The following JARID2 variants were observed in gnomAD, a reference collection of about 807,000 sequenced individuals.
The protein encoded by JARID2 is protein Jumonji.
Under a neutral mutation model 125.6 loss-of-function variants are expected in JARID2, and 21 were observed. The observed-to-expected ratio is 0.17, with a 90% CI of 0.12 to 0.24. The LOEUF (loss-of-function observed/expected upper bound fraction) is 0.24, where lower values mean the gene tolerates loss of function less well. Ranked by LOEUF, JARID2 falls within the 10% of genes least tolerant of loss-of-function variation. The pLI is 1.00. For synonymous variants in JARID2, 736 were observed against 661.6 expected (o/e 1.11, Z -1.73); for missense variants, 1,303 against 1,639.6 (o/e 0.79, Z 3.55).
At chr6:15,437,400 C>A (rs1474634515) in intron 3 of JARID2, among the ~76,000 whole-genome samples, 1 of 152,156 alleles carries the variant, frequency 6.6e-6, no homozygotes, top group Non-Finnish European at 1.5e-5. Context: ...GAACCCTTGG[C>A]CTCAGCTCCT....
chr6:15,448,168 A>C (rs927726410), intron 3 of JARID2, among the ~76,000 whole-genome samples: 43 of 152,196 alleles, frequency 2.8e-4, no homozygotes, highest in African/African-American at 1.0e-3. Flanking sequence ...GGGTCTCACA[A>C]ATGTTTAATC....
chr6:15,325,292 A>T (rs925542060), intron 1 of JARID2, among the ~76,000 whole-genome samples: 1 of 152,230 alleles, frequency 6.6e-6, no homozygotes, highest in African/African-American at 2.4e-5. Flanking sequence ...GTGCACACAC[A>T]CAACTGAAAC....
At chr6:15,248,916 ATGCGCTCGGCCTC>A (rs918674917) in intron 1 of JARID2, 2 of 985,614 alleles carry the variant, frequency 2.0e-6, no homozygotes, top group East Asian at 1.1e-4. Context: ...GAGGAGGAAG[ATGCGCTCGGCCTC>A]TGCCTTCCGC....
intron 1 of JARID2, chr6:15,248,506 C>G (rs994220063): frequency 2.7e-5 from 4 of 147,254 alleles, no homozygotes; most frequent in African/African-American, 9.9e-5. Flanking sequence ...CGGGCGCCCC[C>G]CACCGCGCAC....
chr6:15,278,905 C>G (rs1760644923), intron 1 of JARID2, among the ~76,000 whole-genome samples: 1 of 152,120 alleles, frequency 6.6e-6, no homozygotes, highest in Admixed American at 6.6e-5. Flanking sequence ...CCTGTCTCTA[C>G]TAAAAATACA....
intron 4 of JARID2, among the ~76,000 whole-genome samples, chr6:15,461,205 A>AG (rs1472134315): frequency 6.6e-6 from 1 of 152,208 alleles, no homozygotes; most frequent in Non-Finnish European, 1.5e-5. Flanking sequence ...CAATATAGGA[A>AG]GGGTTGTAAG....
chr6:15,259,859 A>G (rs902252616), intron 1 of JARID2, among the ~76,000 whole-genome samples: 1 of 152,132 alleles, frequency 6.6e-6, no homozygotes, highest in African/African-American at 2.4e-5. Flanking sequence ...GGAGCAAATA[A>G]TTTTTACTTA....
intron 1 of JARID2, among the ~76,000 whole-genome samples, chr6:15,257,699 G>T (rs1465749236): frequency 6.6e-6 from 1 of 152,148 alleles, no homozygotes; most frequent in Non-Finnish European, 1.5e-5. Flanking sequence ...TTGGAGAGAG[G>T]CTATACTAAT....
chr6:15,452,208 G>A (rs745750046), intron 4 of JARID2, 33 bp downstream of exon 4: 18 of 1,609,946 alleles, frequency 1.1e-5, no homozygotes, highest in Admixed American at 3.3e-5. Context: ...GGAGGTCTAC[G>A]TGGAATCTAC....
Position 15,513,413 on chromosome 6 carries a change from C to T in JARID2, c.3441C>T (p.Tyr1147=), listed in dbSNP as rs764519485. 4 of 1,606,194 alleles carry T rather than the reference C, an allele frequency of 2.5e-6. No homozygotes were observed. In the South Asian group the frequency reaches 3.3e-5, roughly 13 times the overall value. The stretch of plus-strand genomic sequence containing the variant: ...GTCAGATCTGCCAGCACCTGTGCTA[C>T]CTGTCCATGGTGAGCCCGCCTGGCC... ...RRCQICQHLC[Y]LSMVVQENEN... is the part of the protein sequence containing the mutation. Residue 1147 remains tyrosine (Y), a synonymous_variant, in exon 16 of 18, where the codon TAC becomes TAT. Transcript: ENST00000341776.
chr6:15,430,112 A>G (rs1014908228), intron 3 of JARID2, among the ~76,000 whole-genome samples: 1 of 152,222 alleles, frequency 6.6e-6, no homozygotes, highest in Non-Finnish European at 1.5e-5. Context: ...TCTTTCAAAT[A>G]TAAAAACATT....
chr6:15,300,815 T>C (rs1428110496), intron 1 of JARID2, among the ~76,000 whole-genome samples: 1 of 151,382 alleles, frequency 6.6e-6, no homozygotes. Context: ...TTAGAGGTGT[T>C]ACAGGATGCA....
chr6:15,382,285 A>AC (rs1175274016), intron 2 of JARID2, among the ~76,000 whole-genome samples: 1 of 152,078 alleles, frequency 6.6e-6, no homozygotes, highest in African/African-American at 2.4e-5. Flanking sequence ...AAAACCCCAA[A>AC]CGAGTGTATG....
chr6:15,340,736 A>G (rs1020295050), intron 1 of JARID2, among the ~76,000 whole-genome samples: 9 of 152,122 alleles, frequency 5.9e-5, no homozygotes, highest in African/African-American at 2.2e-4. Context: ...TTTCAATCCT[A>G]CTTGGTCGTT....
intron 1 of JARID2, among the ~76,000 whole-genome samples, chr6:15,364,520 A>G (rs1228670649): frequency 6.6e-6 from 1 of 152,238 alleles, no homozygotes; most frequent in Non-Finnish European, 1.5e-5. Context: ...AAACCCCTAG[A>G]GGCCAGATGT....
At chr6:15,439,188 GT>G (rs1767344433) in intron 3 of JARID2, among the ~76,000 whole-genome samples, 1 of 152,138 alleles carries the variant, frequency 6.6e-6, no homozygotes, top group African/African-American at 2.4e-5. Context: ...TAGGTTTGAG[GT>G]TGGGGTAAAA....
intron 1 of JARID2, among the ~76,000 whole-genome samples, chr6:15,309,756 A>T (rs1277663466): frequency 1.3e-5 from 2 of 152,104 alleles, no homozygotes. Flanking sequence ...ACTAATCCAC[A>T]CTGAGGGATG....
chr6:15,342,655 A>G (rs868115292), intron 1 of JARID2, among the ~76,000 whole-genome samples: 20 of 152,204 alleles, frequency 1.3e-4, no homozygotes, highest in African/African-American at 3.6e-4. Flanking sequence ...GGGGTATTCT[A>G]TTAAGTTCTA....
Position 15,418,345 on chromosome 6 carries a change from G to A in JARID2, c.323+7980G>A, listed in dbSNP as rs6900488. On this transcript the variant is annotated intron_variant, in intron 3 of 17. Coordinates refer to ENST00000341776, the MANE Select transcript of JARID2 (RefSeq NM_004973.4). ...GCCATTCCATGCCTCAGCCTCCTGA[G>A]TAGCTGGGACTACAGGTGCATGCCA... 7.2e-3 allele frequency among the ~76,000 whole-genome samples: 1,091 copies of A among 151,208 alleles called. 14 individuals are homozygous for A. Among genetic ancestry groups the A allele is most frequent in the African/African-American group, 0.025 (1,037 of 41,132 alleles).
Sources: allele counts gnomAD v4.1 joint callset (sites outside exome capture counted in the v4.1 genomes callset), GRCh38; gene constraint gnomAD v4.1.1; transcripts MANE v1.5; gene names NCBI Gene and HGNC (gene_info 2026-07-23, HGNC 2026-07-21).